The following TBC1D8B variants were observed in gnomAD, a reference collection of about 807,000 sequenced individuals.
TBC1D8B encodes the protein TBC1 domain family member 8B.
TBC1D8B carries 75 observed loss-of-function variants against 82.9 expected under a neutral mutation model. The observed-to-expected ratio is 0.90, with a 90% CI of 0.75 to 1.10. The LOEUF is 1.10. Among genes scored for constraint, TBC1D8B ranks in the 50% least tolerant of loss-of-function variants. The probability of loss-of-function intolerance (pLI) is 0.00; values close to 1 mark genes in which losing one functional copy is unlikely to be tolerated. For synonymous variants in TBC1D8B, 276 were observed against 276.8 expected (o/e 1.00, Z 0.03); for missense variants, 794 against 796.9 (o/e 1.00, Z 0.04).
rs147354542 is a variant in TBC1D8B, at chrX:106,842,967, G to A, written c.1719+2083G>A. Among the ~76,000 whole-genome samples, 712 of 111,278 alleles carry A rather than the reference G, an allele frequency of 6.4e-3. 6 individuals are homozygous for A. The highest frequency in any genetic ancestry group is 0.022 in the African/African-American group (672 of 30,704). On this transcript the variant is annotated intron_variant, in intron 10 of 20. Coordinates refer to ENST00000357242, the MANE Select transcript of TBC1D8B (RefSeq NM_017752.3). ...ATACAATATGTGATCTTTTGTGCCT[G>A]CCTTCTTTTACTTAGCATATCATTT...
chrX:106,823,303 G>C lies in TBC1D8B; in HGVS notation c.664G>C (p.Val222Leu). ...SNVILTESIH[V>L]CSQGENHYFS... ...TGTCATACTGACAGAGAGTATTCAC[G>C]TGTGTTCCCAAGGAGAGAATCACTA... Residue 222 changes from valine (V) to leucine (L), a missense_variant, in exon 5 of 21, where the codon GTG (valine) becomes CTG (leucine). Val to Leu is a conservative substitution (Grantham distance 32). Coordinates refer to ENST00000357242, the MANE Select transcript of TBC1D8B (RefSeq NM_017752.3). The C allele has an allele frequency of 8.3e-7, 1 of 1,209,862 alleles. No homozygotes were observed.
rs2147734486 is a variant in TBC1D8B, at chrX:106,824,063, T to C, written c.827+597T>C. On this transcript the variant is annotated intron_variant, in intron 5 of 20. Transcript: ENST00000357242. ...ATATAAAATATGAGGCAAATATTAA[T>C]CATTATTAGTGCCTCCTTCAGAAGT... Among the ~76,000 whole-genome samples, 2 of 111,581 alleles carry C rather than the reference T, an allele frequency of 1.8e-5. 1 individual carries two copies. The highest frequency in any genetic ancestry group is 7.4e-4 in the South Asian group (2 of 2,703).
At chrX:106,860,604 T>G (rs913267467) in intron 14 of TBC1D8B, among the ~76,000 whole-genome samples, 3 of 110,755 alleles carry the variant, frequency 2.7e-5, no homozygotes, top group African/African-American at 6.5e-5. Flanking sequence ...TGTGTCTATT[T>G]GTATCGTCTC....
At chrX:106,822,438 T>C (rs1167824333) in intron 4 of TBC1D8B, among the ~76,000 whole-genome samples, 2 of 111,561 alleles carry the variant, frequency 1.8e-5, no homozygotes, top group Non-Finnish European at 3.8e-5. Flanking sequence ...CAGTATTAAA[T>C]GATGATCTGG....
intron 5 of TBC1D8B, among the ~76,000 whole-genome samples, chrX:106,825,756 C>T (rs1378116625): frequency 2.7e-5 from 3 of 110,901 alleles, no homozygotes; most frequent in Admixed American, 1.9e-4. Context: ...AGGAAATCAC[C>T]CCTTAGAGAT....
intron 1 of TBC1D8B, among the ~76,000 whole-genome samples, chrX:106,816,645 A>G (rs916172569): frequency 2.7e-5 from 3 of 110,660 alleles, no homozygotes; most frequent in Non-Finnish European, 5.7e-5. Context: ...TTTTTTTCAT[A>G]TCAGATAACT....
At chrX:106,853,072 T>C (rs1433068294) in intron 12 of TBC1D8B, among the ~76,000 whole-genome samples, 22 of 111,158 alleles carry the variant, frequency 2.0e-4, no homozygotes, top group Non-Finnish European at 2.8e-4. Context: ...AATGTTCTTC[T>C]ATTTGTTTGT....
At chrX:106,846,950 C>T (rs1050619412) in intron 10 of TBC1D8B, among the ~76,000 whole-genome samples, 1 of 112,071 alleles carries the variant, frequency 8.9e-6, no homozygotes, top group African/African-American at 3.2e-5. Flanking sequence ...ATAGTTATTA[C>T]GATTCACAAT....
chrX:106,872,722 C>T (rs990389488), intron 20 of TBC1D8B, among the ~76,000 whole-genome samples: 47 of 110,329 alleles, frequency 4.3e-4, no homozygotes, highest in Non-Finnish European at 1.5e-4. Flanking sequence ...AATCTGAGTG[C>T]TTTGGGAGGC....
In TBC1D8B at chrX:106,803,000, C is replaced by A. The variant is rs775027592; in HGVS notation, c.130+17C>A. 2.4e-5 allele frequency: 29 copies of A among 1,185,843 alleles called. 1 individual carries two copies. The highest frequency in any genetic ancestry group is 1.4e-5 in the Non-Finnish European group (12 of 884,097). On this transcript the variant is annotated intron_variant, in intron 1 of 20. Transcript: ENST00000357242. ...GGCTCACAGGTAAGCTGTGGCCACC[C>A]TACCTGCCTCTGGGCTGTGTTCGCT...
chrX:106,833,460 C>T (rs768422514), intron 7 of TBC1D8B, among the ~76,000 whole-genome samples: 7 of 111,710 alleles, frequency 6.3e-5, no homozygotes, highest in Non-Finnish European at 1.3e-4. Context: ...TAAAAGTTTC[C>T]ATTCAAAAGA....
chrX:106,826,373 T>G, intron 6 of TBC1D8B, 136 bp downstream of exon 6: 1 of 528,080 alleles, frequency 1.9e-6, no homozygotes, highest in Non-Finnish European at 3.0e-6. Context: ...TAATTATTCT[T>G]CAGAATAAGA....
Position 106,865,794 on chromosome X carries a change from AAG to A in TBC1D8B, c.2426_2427del (p.Glu809AlafsTer18). 8.5e-7 allele frequency: 1 copy of A among 1,178,316 alleles called. No homozygotes were observed. The highest frequency in any genetic ancestry group is 1.8e-5 in the African/African-American group (1 of 56,022). ...TCCTTTTTTATTTATTTTTAATAGA[AAG>A]AGCTGTTTTTATCTTGTTATTGGTG... On this transcript the variant is annotated frameshift_variant and splice_region_variant, in exon 16 of 21. Transcript: ENST00000357242. LOFTEE classifies it high-confidence loss of function.
At chrX:106,869,932 AT>A (rs1932837120) in intron 19 of TBC1D8B, among the ~76,000 whole-genome samples, 1 of 112,472 alleles carries the variant, frequency 8.9e-6, no homozygotes, top group Non-Finnish European at 1.9e-5. Context: ...ATTTTGCAGT[AT>A]ATCATGGACA....
intron 10 of TBC1D8B, among the ~76,000 whole-genome samples, chrX:106,844,496 C>A (rs1395490486): frequency 2.0e-5 from 2 of 99,499 alleles, no homozygotes; most frequent in Non-Finnish European, 3.9e-5. Context: ...TATATATAAA[C>A]ATATATATAT....
At chrX:106,862,020 A>T (rs1178697484) in intron 14 of TBC1D8B, among the ~76,000 whole-genome samples, 1 of 112,063 alleles carries the variant, frequency 8.9e-6, no homozygotes, top group Non-Finnish European at 1.9e-5. Context: ...CTGAATACGA[A>T]ATTATTGGCT....
chrX:106,819,836 G>A (rs1373520968), intron 2 of TBC1D8B, among the ~76,000 whole-genome samples: 7 of 110,618 alleles, frequency 6.3e-5, no homozygotes, highest in African/African-American at 2.3e-4. Flanking sequence ...AAAGATGATT[G>A]TATAACTTAT....
chrX:106,814,173 C>A (rs1237276965), intron 1 of TBC1D8B: 1 of 111,396 alleles, frequency 9.0e-6, no homozygotes, highest in Non-Finnish European at 1.9e-5. Flanking sequence ...CATGTCCCTA[C>A]AAAGGACATG....
At position 106,875,844 on chromosome X, in the gene TBC1D8B, G is replaced by A. The variant is rs1478692878; in HGVS notation, c.*1879G>A. 8.9e-6 allele frequency: 1 copy of A among 112,269 alleles called. No individual in the cohort carries two copies. The highest frequency in any genetic ancestry group is 1.9e-5 in the Non-Finnish European group (1 of 53,242). 9.3% of individuals were successfully genotyped at this position (112,269 alleles called of 1,213,427 possible). A position where few individuals can be genotyped will look rare whatever the true frequency, so the allele number is the denominator to read the frequency against. ...AAGTCAGAATAGTACAGATTGCTGAGTATTATACTTTAGGCTAGATTAATT... is the reference window on the plus strand; with the variant it reads ...AAGTCAGAATAGTACAGATTGCTGAATATTATACTTTAGGCTAGATTAATT... On this transcript the variant is annotated 3_prime_UTR_variant, in exon 21 of 21. Coordinates refer to ENST00000357242, the MANE Select transcript of TBC1D8B (RefSeq NM_017752.3).
Sources: allele counts gnomAD v4.1 joint callset (sites outside exome capture counted in the v4.1 genomes callset), GRCh38; gene constraint gnomAD v4.1.1; transcripts MANE v1.5; gene names NCBI Gene and HGNC (gene_info 2026-07-23, HGNC 2026-07-21).